Variants in PARP16 observed in about 807,000 individuals in gnomAD.
PARP16 encodes the protein protein mono-ADP-ribosyltransferase PARP16.
A neutral mutation model predicts 35.0 loss-of-function variants in PARP16; 31 were observed. The observed-to-expected ratio is 0.88, with a 90% CI of 0.66 to 1.19. The LOEUF is 1.19. Among genes scored for constraint, PARP16 ranks in the 50% most tolerant of loss-of-function variants. The pLI, the probability that PARP16 is intolerant of heterozygous loss-of-function variation, is 0.00. For synonymous variants in PARP16, 162 were observed against 169.5 expected, an observed-to-expected ratio of 0.96 and a Z score of 0.34; for missense variants, 424 against 411.2, an observed-to-expected ratio of 1.03 and a Z score of -0.27.
intron 3 of PARP16, among the ~76,000 whole-genome samples, chr15:65,263,816 C>T (rs2089812568): frequency 6.6e-6 from 1 of 152,108 alleles, no homozygotes; most frequent in Admixed American, 6.6e-5. Flanking sequence ...CATTGCAGGC[C>T]TTTATGTTCT....
intron 3 of PARP16, among the ~76,000 whole-genome samples, chr15:65,239,394 G>A (rs1295022275): frequency 3.7e-5 from 4 of 108,422 alleles, no homozygotes; most frequent in South Asian, 3.4e-4. Context: ...ACCACTGCAC[G>A]CTAGCCTGGC....
chr15:65,245,066 G>A (rs1019974713), intron 3 of PARP16, among the ~76,000 whole-genome samples: 4 of 152,232 alleles, frequency 2.6e-5, no homozygotes, highest in African/African-American at 4.8e-5. Context: ...AGGTGACACA[G>A]GGATGGCCTG....
At chr15:65,238,147 G>A (rs1032703423) in intron 3 of PARP16, among the ~76,000 whole-genome samples, 1 of 152,076 alleles carries the variant, frequency 6.6e-6, no homozygotes, top group African/African-American at 2.4e-5. Flanking sequence ...ATTTATCAGG[G>A]CATGGTGGGG....
At chr15:65,271,490 G>A (rs1027419196) in intron 1 of PARP16, among the ~76,000 whole-genome samples, 1 of 152,020 alleles carries the variant, frequency 6.6e-6, no homozygotes, top group African/African-American at 2.4e-5. Context: ...GGCCAGCCTG[G>A]TCTCGAGCTC....
chr15:65,236,488 A>G (rs2088881225), intron 3 of PARP16, among the ~76,000 whole-genome samples: 1 of 152,246 alleles, frequency 6.6e-6, no homozygotes, highest in African/African-American at 2.4e-5. Context: ...GGGTTGAACA[A>G]GAGCCTTCCA....
downstream of PARP16, chr15:65,234,416 G>A (rs1477243922): frequency 6.6e-6 from 1 of 152,206 alleles, no homozygotes; most frequent in African/African-American, 2.4e-5. Context: ...GAGAAGCTGA[G>A]AGTTGTCAGT....
At chr15:65,275,514 A>G (rs1319914306) in intron 1 of PARP16, among the ~76,000 whole-genome samples, 4 of 152,180 alleles carry the variant, frequency 2.6e-5, no homozygotes, top group African/African-American at 4.8e-5. Flanking sequence ...ACCAACAGGA[A>G]AGTATTAAGT....
At chr15:65,252,345 C>A (rs2089383791) in intron 2 of PARP16, among the ~76,000 whole-genome samples, 1 of 152,158 alleles carries the variant, frequency 6.6e-6, no homozygotes, top group African/African-American at 2.4e-5. Flanking sequence ...CTTTTCTAGC[C>A]CTTTAAAAAT....
chr15:65,240,323 AGTGT>A (rs34811236), intron 3 of PARP16, among the ~76,000 whole-genome samples: 2,577 of 126,074 alleles, frequency 0.02, 50 homozygotes, highest in East Asian at 0.05. Context: ...GGGGGGGGCT[AGTGT>A]GTGTGTGTGT....
chr15:65,256,477 G>T (rs905989892), downstream of PARP16, among the ~76,000 whole-genome samples: 1 of 140,762 alleles, frequency 7.1e-6, no homozygotes, highest in African/African-American at 2.6e-5. Flanking sequence ...GCACAATCTC[G>T]GTTCACTGCA....
chr15:65,256,469 A>C (rs1227616232), downstream of PARP16, among the ~76,000 whole-genome samples: 4 of 136,430 alleles, frequency 2.9e-5, no homozygotes, highest in Admixed American at 8.4e-5. Flanking sequence ...GTGCAGTCGC[A>C]CAATCTCGGT....
intron 3 of PARP16, among the ~76,000 whole-genome samples, chr15:65,265,748 G>T (rs888618574): frequency 8.5e-5 from 13 of 152,120 alleles, no homozygotes; most frequent in Non-Finnish European, 1.0e-4. Context: ...CATTTCCAGC[G>T]AGCTACCAGG....
In PARP16 at chr15:65,286,305, C is replaced by G; in HGVS notation, c.122G>C (p.Arg41Pro). Residue 41 changes from arginine to proline, a missense_variant, in exon 1 of 6, where the codon CGG (arginine) becomes CCG (proline). Coordinates refer to ENST00000649807, the MANE Select transcript of PARP16 (RefSeq NM_001316943.2). ...GCGGGCGTAGGACGCGGGGAAGGGC[C>G]GCAGCACCGAGTCGCGCTTGTAGCT... ...LQSYKRDSVL[R>P]PFPASYARGD... 6.2e-7 allele frequency: 1 copy of G among 1,602,994 alleles called. No individual in the cohort carries two copies. Among genetic ancestry groups the G allele is most frequent in the Non-Finnish European group, 8.5e-7 (1 of 1,176,076 alleles).
intron 3 of PARP16, among the ~76,000 whole-genome samples, chr15:65,235,305 C>T (rs1224063407): frequency 2.0e-5 from 3 of 150,456 alleles, no homozygotes; most frequent in Non-Finnish European, 4.4e-5. Flanking sequence ...AGACTCCGTC[C>T]CCCCCAAAAA....
intron 1 of PARP16, among the ~76,000 whole-genome samples, chr15:65,278,805 C>CA (rs1300867615): frequency 2.0e-5 from 3 of 152,074 alleles, no homozygotes; most frequent in Non-Finnish European, 4.4e-5. Context: ...AGGAAAGTGT[C>CA]AGAGGTCACA....
chr15:65,231,891 G>A (rs141302574), downstream of PARP16, among the ~76,000 whole-genome samples: 10 of 151,922 alleles, frequency 6.6e-5, no homozygotes, highest in East Asian at 1.4e-3. Flanking sequence ...ATTTCTGCCT[G>A]CTGGTGGCAA....
At chr15:65,264,310 G>A (rs974634240) in intron 3 of PARP16, among the ~76,000 whole-genome samples, 1 of 152,196 alleles carries the variant, frequency 6.6e-6, no homozygotes, top group African/African-American at 2.4e-5. Context: ...TAATGATCCA[G>A]AATCCTCAAC....
chr15:65,266,103 A>G (rs1385194372), intron 3 of PARP16, among the ~76,000 whole-genome samples: 2 of 151,670 alleles, frequency 1.3e-5, no homozygotes, highest in African/African-American at 4.8e-5. Context: ...TAATTTTTGT[A>G]TTTTTAGTAT....
chr15:65,281,456 G>A (rs1455584673), intron 1 of PARP16, among the ~76,000 whole-genome samples: 1 of 152,158 alleles, frequency 6.6e-6, no homozygotes, highest in African/African-American at 2.4e-5. Flanking sequence ...TTGGGAGGCC[G>A]AGGAGGGCGA....
Sources: allele counts gnomAD v4.1 joint callset (sites outside exome capture counted in the v4.1 genomes callset), GRCh38; gene constraint gnomAD v4.1.1; transcripts MANE v1.5; gene names NCBI Gene and HGNC (gene_info 2026-07-23, HGNC 2026-07-21).